PTPRH: variants seen among roughly 807,000 people sequenced by gnomAD.
PTPRH encodes receptor-type tyrosine-protein phosphatase H.
PTPRH carries 113 observed loss-of-function variants against 130.2 expected under a neutral mutation model. The ratio of observed to expected loss-of-function variants is 0.87; its 90% confidence interval spans 0.75 to 1.01. PTPRH has a LOEUF of 1.01. Ranked by LOEUF, PTPRH falls within the 50% of genes least tolerant of loss-of-function variation. The pLI is 0.00. For synonymous variants in PTPRH, 556 were observed against 577.9 expected (o/e 0.96, Z 0.54); for missense variants, 1,430 against 1,425.0 (o/e 1.00, Z -0.06).
At chr19:55,205,129 G>A (rs116504997) in intron 4 of PTPRH, among the ~76,000 whole-genome samples, 197 bp downstream of exon 4, 2,128 of 152,174 alleles carry the variant, frequency 0.014, 46 homozygotes, top group African/African-American at 0.048. Context: ...GACACAGACC[G>A]GCCCCAGCTT....
intron 12 of PTPRH, chr19:55,189,648 T>TAA: frequency 4.4e-6 from 2 of 455,854 alleles, no homozygotes; most frequent in South Asian, 3.1e-5. Context: ...GACTTCCTCT[T>TAA]AGTCATCTTG....
At position 55,205,346 on chromosome 19, in the gene PTPRH, T is replaced by G. The variant is rs2087011493; in HGVS notation, c.599A>C (p.Glu200Ala). 1.9e-6 allele frequency: 3 copies of G among 1,614,010 alleles called. No individual in the cohort carries two copies. The highest frequency in any genetic ancestry group is 2.5e-6 in the Non-Finnish European group (3 of 1,180,014). ...CTCACCTGTGGTGGCATTTCGAGTCTCCCGGGAGCTGTTGATTCCATTCTT... is the reference window on the plus strand; with the variant it reads ...CTCACCTGTGGTGGCATTTCGAGTCGCCCGGGAGCTGTTGATTCCATTCTT... The part of the protein sequence containing the change: ...VGKNGINSSR[E>A]TRNATTAHNP... Residue 200 changes from glutamate to alanine, a missense_variant, in exon 4 of 20, where the codon GAG (glutamate) becomes GCG (alanine). By Grantham distance (107) the Glu-to-Ala change is moderately radical. Coordinates refer to ENST00000376350, the MANE Select transcript of PTPRH (RefSeq NM_002842.5).
At chr19:55,182,527 A>AAAC (rs879426826) in intron 18 of PTPRH, among the ~76,000 whole-genome samples, 48 of 152,078 alleles carry the variant, frequency 3.2e-4, no homozygotes, top group African/African-American at 7.2e-4. Context: ...CCCATCTCAA[A>AAAC]AACAACAACA....
At chr19:55,192,130 C>T (rs1246303627) in intron 10 of PTPRH, 9 of 369,948 alleles carry the variant, frequency 2.4e-5, no homozygotes, top group Non-Finnish European at 3.8e-5. Flanking sequence ...CGGCCGGGCG[C>T]GGTGGCTTAC....
At chr19:55,195,967 G>C (rs1192403610) in intron 10 of PTPRH, among the ~76,000 whole-genome samples, 1 of 152,036 alleles carries the variant, frequency 6.6e-6, no homozygotes, top group Non-Finnish European at 1.5e-5. Flanking sequence ...GGGAATGGGA[G>C]AACTAGGGGG....
At chr19:55,188,853 C>T (rs952551224) in intron 12 of PTPRH, among the ~76,000 whole-genome samples, 10 of 152,236 alleles carry the variant, frequency 6.6e-5, no homozygotes, top group African/African-American at 2.4e-4. Context: ...TTGTTCATTT[C>T]CTGGGCAGGC....
chr19:55,194,171 G>C, intron 10 of PTPRH: 1 of 1,288,960 alleles, frequency 7.8e-7, no homozygotes, highest in South Asian at 1.2e-5. Flanking sequence ...GTCTATGGGT[G>C]CTCTCAGGCT....
At chr19:55,187,207 AGG>A (rs1568894396) in intron 14 of PTPRH, among the ~76,000 whole-genome samples, 12 of 142,284 alleles carry the variant, frequency 8.4e-5, no homozygotes, top group Middle Eastern at 3.7e-3. Flanking sequence ...TAGCCGGGCG[AGG>A]TGGCGGGCAC....
chr19:55,194,155 G>C, intron 10 of PTPRH: 2 of 1,288,456 alleles, frequency 1.6e-6, no homozygotes, highest in South Asian at 1.2e-5. Context: ...TGGCTGATCT[G>C]GTGGTGTCTA....
chr19:55,200,294 A>G lies in PTPRH; in HGVS notation c.1362T>C (p.Ser454=). ...RLEPGTLYTF[S]VWAEKNGARG... is the part of the protein sequence containing the mutation. ...GTGCTCCATTTTTTTCTGCCCATAC[A>G]GAGAATGTGTACAAGGTTCCGGGCT... Residue 454 remains serine, a synonymous_variant, in exon 7 of 20, where the codon TCT becomes TCC. Coordinates refer to ENST00000376350, the MANE Select transcript of PTPRH (RefSeq NM_002842.5). 1 of 1,614,170 alleles carries G rather than the reference A, an allele frequency of 6.2e-7. No homozygotes were observed. Among genetic ancestry groups the G allele is most frequent in the Non-Finnish European group, 8.5e-7 (1 of 1,180,016 alleles).
chr19:55,197,607 C>T (rs890238256), intron 8 of PTPRH, among the ~76,000 whole-genome samples, 191 bp from the exon 9 acceptor site: 8 of 152,156 alleles, frequency 5.3e-5, no homozygotes, highest in African/African-American at 1.9e-4. Context: ...CCCTCTCCGT[C>T]CCCTGGCTAC....
At position 55,187,634 on chromosome 19, in the gene PTPRH, G is replaced by A. The variant is rs772486984; in HGVS notation, c.2476-31C>T. On this transcript the variant is annotated intron_variant, in intron 13 of 19. Coordinates refer to ENST00000376350, the MANE Select transcript of PTPRH (RefSeq NM_002842.5). ...GATGCAGGGAGAGGGGGTACCTGGT[G>A]TTGGATTTTCTCTACTTTCCCTCGG... is the stretch of plus-strand genomic sequence containing the variant. 7.1e-6 allele frequency: 11 copies of A among 1,539,628 alleles called. No individual in the cohort carries two copies. The East Asian group carries it at 2.5e-4, about 35-fold the overall frequency.
chr19:55,182,226 T>A (rs187924084), intron 18 of PTPRH, 75 bp from the exon 19 acceptor site: 6 of 1,507,196 alleles, frequency 4.0e-6, no homozygotes, highest in Non-Finnish European at 5.4e-6. Flanking sequence ...ATTGGAGGGA[T>A]CTGTGTTTGA....
In PTPRH at chr19:55,182,142, C is replaced by G; in HGVS notation, c.3072G>C (p.Val1024=). Residue 1024 remains valine (V), a synonymous_variant, in exon 19 of 20, where the codon GTG becomes GTC. Transcript: ENST00000376350. ...GGGCAATGAGGGTTCCTGTGCGACCCACGCCAGCACTAGGCAGAACAAGGG... is the reference window on the plus strand; with the variant it reads ...GGGCAATGAGGGTTCCTGTGCGACCGACGCCAGCACTAGGCAGAACAAGGG... ...GPPIVHCSAG[V]GRTGTLIALD... The G allele has an allele frequency of 6.2e-7, 1 of 1,613,784 alleles. No homozygotes were observed. Among genetic ancestry groups the G allele is most frequent in the Non-Finnish European group, 8.5e-7 (1 of 1,180,036 alleles).
chr19:55,194,526 G>A (rs1013618148), intron 10 of PTPRH, among the ~76,000 whole-genome samples: 1 of 152,160 alleles, frequency 6.6e-6, no homozygotes, highest in African/African-American at 2.4e-5. Context: ...TCTCCAGATT[G>A]GAGACCCAAT....
intron 18 of PTPRH, among the ~76,000 whole-genome samples, chr19:55,182,895 A>G (rs1035689632): frequency 2.0e-5 from 3 of 151,894 alleles, no homozygotes; most frequent in Non-Finnish European, 4.4e-5. Context: ...CCTGGGCTCA[A>G]GTGATCCTCC....
intron 14 of PTPRH, among the ~76,000 whole-genome samples, chr19:55,187,141 C>T (rs2365731): frequency 0.099 from 14,817 of 149,552 alleles, 784 homozygotes; most frequent in Middle Eastern, 0.17. Context: ...GTCAGGAGAT[C>T]GAGACCATCC....
intron 10 of PTPRH, chr19:55,192,043 C>T (rs772260864): frequency 9.7e-6 from 5 of 517,224 alleles, no homozygotes; most frequent in South Asian, 8.0e-5. Flanking sequence ...ATAGCGAGTA[C>T]ATTTTCTCTT....
rs762723219 is a variant in PTPRH at position 55,198,916 on chromosome 19, G to C, written c.1421-4C>G. On this transcript the variant is annotated splice_region_variant and splice_polypyrimidine_tract_variant and intron_variant, in intron 7 of 19. Coordinates refer to ENST00000376350, the MANE Select transcript of PTPRH (RefSeq NM_002842.5). ...AGGCTTGTCACTGCGTTGGGGACTG[G>C]GAGAGGGAGCAGAGTCAGGATTTCC... is the stretch of plus-strand genomic sequence containing the variant. The C allele has an allele frequency of 1.2e-5, 18 of 1,505,436 alleles. No homozygotes were observed. Among genetic ancestry groups the C allele is most frequent in the East Asian group, 2.3e-5 (1 of 43,022 alleles). 93.3% of individuals were successfully genotyped at this position (1,505,436 alleles called of 1,614,324 possible). A position where few individuals can be genotyped will look rare whatever the true frequency, so the allele number is the denominator to read the frequency against.
Sources: gnomAD v4.1 joint callset for allele counts (sites outside exome capture counted in the v4.1 genomes callset) on GRCh38, gnomAD v4.1.1 for gene constraint, MANE v1.5 for transcripts, NCBI Gene and HGNC (gene_info 2026-07-23, HGNC 2026-07-21) for gene names.